THSD4: variants seen among roughly 807,000 people sequenced by gnomAD.
The protein encoded by THSD4 is thrombospondin type 1 domain containing 4, also known as thrombospondin type-1 domain-containing protein 4.
THSD4 carries 69 observed loss-of-function variants against 119.0 expected under a neutral mutation model. That is an observed-to-expected ratio of 0.58 (90% confidence interval 0.48 to 0.71). The LOEUF is 0.71. Among genes scored for constraint, THSD4 ranks in the 30% least tolerant of loss-of-function variants. The pLI is 0.00. For synonymous variants in THSD4, 524 were observed against 540.4 expected (o/e 0.97, Z 0.42); for missense variants, 1,393 against 1,391.1 (o/e 1.00, Z -0.02).
intron 17 of THSD4, 115 bp downstream of exon 17, chr15:71,771,323 A>G (rs980288751): frequency 2.2e-6 from 3 of 1,341,190 alleles, no homozygotes; most frequent in African/African-American, 2.9e-5. Context: ...GCACACAGTC[A>G]TGGAGTTCAG....
intron 7 of THSD4, among the ~76,000 whole-genome samples, chr15:71,416,319 A>G (rs2046759310): frequency 2.5e-5 from 1 of 39,540 alleles, no homozygotes; most frequent in Non-Finnish European, 6.0e-5. Flanking sequence ...TCTTCGATAC[A>G]CTGATTTCTT....
chr15:71,465,656 CCT>C (rs1252509467), intron 7 of THSD4, among the ~76,000 whole-genome samples: 2 of 152,220 alleles, frequency 1.3e-5, no homozygotes, highest in Admixed American at 1.3e-4. Flanking sequence ...ATCAAGCAAA[CCT>C]CGTCTGTTGC....
chr15:71,215,480 G>A, intron 4 of THSD4, 81 bp downstream of exon 4: 1 of 1,352,592 alleles, frequency 7.4e-7, no homozygotes, highest in Non-Finnish European at 9.7e-7. Flanking sequence ...CTCGCACGCT[G>A]CTCTGCACCA....
chr15:71,652,940 C>A (rs903836437), intron 7 of THSD4, among the ~76,000 whole-genome samples: 1 of 152,142 alleles, frequency 6.6e-6, no homozygotes, highest in African/African-American at 2.4e-5. Context: ...TGTGTATATA[C>A]AGCAAATTTC....
intron 1 of THSD4, among the ~76,000 whole-genome samples, chr15:71,097,210 T>C (rs918513767): frequency 6.6e-6 from 1 of 152,220 alleles, no homozygotes; most frequent in Non-Finnish European, 1.5e-5. Flanking sequence ...TTTGAATAGT[T>C]TAAACCAGAT....
chr15:71,247,565 C>A (rs564301068), intron 5 of THSD4, among the ~76,000 whole-genome samples: 1 of 152,230 alleles, frequency 6.6e-6, no homozygotes, highest in Admixed American at 6.5e-5. Context: ...GCAGATTATC[C>A]AGGCGAGGGA....
chr15:71,181,608 A>G (rs967281867), intron 3 of THSD4, among the ~76,000 whole-genome samples: 1 of 152,186 alleles, frequency 6.6e-6, no homozygotes, highest in African/African-American at 2.4e-5. Context: ...CATCTCTGTC[A>G]ATGCTTATGG....
chr15:71,637,834 T>C (rs1255723731), intron 7 of THSD4, among the ~76,000 whole-genome samples: 1 of 151,910 alleles, frequency 6.6e-6, no homozygotes, highest in Non-Finnish European at 1.5e-5. Flanking sequence ...CAAGCAATTC[T>C]CCTGCCTCAG....
At chr15:71,131,397 T>TA (rs1043454480) in intron 1 of THSD4, among the ~76,000 whole-genome samples, 4 of 151,148 alleles carry the variant, frequency 2.6e-5, no homozygotes, top group Non-Finnish European at 4.4e-5. Flanking sequence ...AAAGAGCTCT[T>TA]AAAAATCATT....
At chr15:71,172,177 T>C (rs376534808) in intron 3 of THSD4, 3 of 151,918 alleles carry the variant, frequency 2.0e-5, no homozygotes, top group East Asian at 3.9e-4. Flanking sequence ...ATATGAAAAT[T>C]AGCTGGGTGT....
intron 7 of THSD4, among the ~76,000 whole-genome samples, chr15:71,609,234 A>G (rs1272162883): frequency 6.6e-6 from 1 of 152,254 alleles, no homozygotes; most frequent in Non-Finnish European, 1.5e-5. Context: ...TAAGTAACAC[A>G]TATATGAATT....
chr15:71,722,153 C>A (rs556273782), intron 8 of THSD4, among the ~76,000 whole-genome samples: 7 of 152,272 alleles, frequency 4.6e-5, no homozygotes, highest in African/African-American at 1.7e-4. Flanking sequence ...TTCTGGATGC[C>A]ATTCCTAGCC....
intron 10 of THSD4, among the ~76,000 whole-genome samples, chr15:71,736,371 TTCTGTCTCTCTCGCAC>T (rs960392815): frequency 1.4e-5 from 2 of 141,756 alleles, no homozygotes; most frequent in Non-Finnish European, 3.1e-5. Context: ...TGCTCTCTGT[TTCTGTCTCTCTCGCAC>T]TCTGTCTCTC....
intron 7 of THSD4, among the ~76,000 whole-genome samples, chr15:71,623,734 C>A (rs1253279155): frequency 6.6e-6 from 1 of 151,990 alleles, no homozygotes; most frequent in Non-Finnish European, 1.5e-5. Context: ...ATCAGCCTGG[C>A]CAACGTGGTG....
At chr15:71,286,009 C>T (rs764312853) in intron 6 of THSD4, among the ~76,000 whole-genome samples, 45 of 150,802 alleles carry the variant, frequency 3.0e-4, no homozygotes, top group African/African-American at 1.0e-3. Context: ...GAGGTTTAGG[C>T]GCATTTATAT....
intron 6 of THSD4, among the ~76,000 whole-genome samples, chr15:71,326,994 C>A (rs1424945986): frequency 6.6e-6 from 1 of 151,386 alleles, no homozygotes; most frequent in Non-Finnish European, 1.5e-5. Flanking sequence ...ATGGTGAAAC[C>A]TTGTCTCTAC....
chr15:71,547,206 C>T (rs2048849730), intron 7 of THSD4: 2 of 1,352,166 alleles, frequency 1.5e-6, no homozygotes, highest in African/African-American at 1.5e-5. Flanking sequence ...GAAGTTATTA[C>T]ATGAAGAGAT....
At chr15:71,143,770 A>G (rs1226402166) in intron 2 of THSD4, among the ~76,000 whole-genome samples, 1 of 147,946 alleles carries the variant, frequency 6.8e-6, no homozygotes, top group African/African-American at 2.5e-5. Context: ...CAGTGGCGCA[A>G]TCATAGCTCA....
intron 3 of THSD4, chr15:71,164,766 C>A (rs572856408): frequency 2.5e-6 from 4 of 1,594,500 alleles, no homozygotes; most frequent in Non-Finnish European, 3.4e-6. Flanking sequence ...GCGCTAGAAC[C>A]AACTTATTCA....
Sources: gnomAD v4.1 joint callset for allele counts (sites outside exome capture counted in the v4.1 genomes callset) on GRCh38, gnomAD v4.1.1 for gene constraint, MANE v1.5 for transcripts, NCBI Gene and HGNC (gene_info 2026-07-23, HGNC 2026-07-21) for gene names.